The following KIF13B variants were observed in gnomAD, a reference collection of about 807,000 sequenced individuals.
KIF13B encodes the protein kinesin family member 13B.
A neutral mutation model predicts 222.0 loss-of-function variants in KIF13B; 127 were observed. That is an observed-to-expected ratio of 0.57 (90% confidence interval 0.50 to 0.66). The LOEUF (loss-of-function observed/expected upper bound fraction) is 0.66, where lower values mean the gene tolerates loss of function less well. Among genes scored for constraint, KIF13B ranks in the 30% least tolerant of loss-of-function variants. The pLI is 0.00. For synonymous variants in KIF13B, 976 were observed against 919.0 expected (o/e 1.06, Z -1.12); for missense variants, 2,173 against 2,379.0 (o/e 0.91, Z 1.80).
At chr8:29,102,839 C>T (rs1182120324) in intron 35 of KIF13B, among the ~76,000 whole-genome samples, 1 of 152,200 alleles carries the variant, frequency 6.6e-6, no homozygotes, top group African/African-American at 2.4e-5. Context: ...TTTGTTCATG[C>T]TATTGACTAA....
At position 29,070,376 on chromosome 8, in the gene KIF13B, G is replaced by C; in HGVS notation, c.*128C>G. 1 of 1,037,724 alleles carries C rather than the reference G, an allele frequency of 9.6e-7. No individual in the cohort carries two copies. The highest frequency in any genetic ancestry group is 1.4e-6 in the Non-Finnish European group (1 of 712,894). The allele number at this position is 1,037,724 out of a possible 1,614,324, so 64.3% of individuals were successfully genotyped here. A position where few individuals can be genotyped will look rare whatever the true frequency, so the allele number is the denominator to read the frequency against. On this transcript the variant is annotated 3_prime_UTR_variant, in exon 40 of 40. Transcript: ENST00000524189. This position sits in a 1 kb window ranked among gnomAD's most constrained non-coding sequence, Gnocchi z 4.1. ...CCAGGGAGGTCACCAGCCCTGTGTC[G>C]TGCAAAAAGCATTCATCGCCCTGCC...
intron 12 of KIF13B, among the ~76,000 whole-genome samples, chr8:29,163,912 T>C (rs1014557176): frequency 6.6e-6 from 1 of 152,190 alleles, no homozygotes; most frequent in Non-Finnish European, 1.5e-5. Flanking sequence ...AGCTTCCAAA[T>C]GGGACAATTA....
At chr8:29,170,869 G>T (rs1586875760) in intron 10 of KIF13B, among the ~76,000 whole-genome samples, 1 of 152,166 alleles carries the variant, frequency 6.6e-6, no homozygotes. Context: ...CTTGAGTCCA[G>T]AAGTTCAACA....
At chr8:29,200,495 C>G (rs147629765) in intron 2 of KIF13B, among the ~76,000 whole-genome samples, 1 of 152,284 alleles carries the variant, frequency 6.6e-6, no homozygotes, top group African/African-American at 2.4e-5. Context: ...TTCAGGCTTA[C>G]AAAAAGCTCC....
intron 37 of KIF13B, among the ~76,000 whole-genome samples, chr8:29,089,722 C>T (rs1000450243): frequency 2.6e-5 from 4 of 151,828 alleles, no homozygotes; most frequent in Admixed American, 6.6e-5. Context: ...GGTGAAACCC[C>T]GTCTCTACTA....
Position 29,242,356 on chromosome 8 carries a change from AAAC to A in KIF13B, c.149+2987_149+2989del, listed in dbSNP as rs996264057. On this transcript the variant is annotated intron_variant, in intron 2 of 39. Transcript: ENST00000524189. The stretch of plus-strand genomic sequence containing the variant: ...TTATTACAATCTCACCATGGCTTCC[AAAC>A]AACAACAACGAAAATTTACTACAGG... Among the ~76,000 whole-genome samples the A allele has an allele frequency of 6.6e-5, 10 of 152,344 alleles. No homozygotes were observed. The South Asian group carries it at 1.2e-3, about 19-fold the overall frequency.
intron 32 of KIF13B, 32 bp from the exon 33 acceptor site, chr8:29,110,102 C>A: frequency 6.5e-7 from 1 of 1,540,324 alleles, no homozygotes; most frequent in Non-Finnish European, 8.8e-7. Context: ...ATTATAAAAG[C>A]TTCTTGATGT....
intron 38 of KIF13B, among the ~76,000 whole-genome samples, chr8:29,073,862 G>T (rs4732901): frequency 1.0e-3 from 152 of 152,218 alleles, no homozygotes; most frequent in African/African-American, 3.6e-3. Context: ...CATTTTTGTG[G>T]TGAATCTCTA....
Position 29,073,345 on chromosome 8 carries a change from G to T in KIF13B, c.4522-1029C>A, listed in dbSNP as rs577930035. Among the ~76,000 whole-genome samples, 67 of 152,254 alleles carry T rather than the reference G, an allele frequency of 4.4e-4. 2 individuals carry two copies. The highest frequency in any genetic ancestry group is 1.4e-3 in the African/African-American group (60 of 41,552). ...GAGGCCAGCAGCTCTCCTCATGTCGGTCACTCTGTCTGAGTCACCCAGGCA... is the reference window on the plus strand; with the variant it reads ...GAGGCCAGCAGCTCTCCTCATGTCGTTCACTCTGTCTGAGTCACCCAGGCA... On this transcript the variant is annotated intron_variant, in intron 38 of 39. Transcript: ENST00000524189.
chr8:29,223,973 G>A (rs1273891335), intron 2 of KIF13B, among the ~76,000 whole-genome samples: 3 of 151,582 alleles, frequency 2.0e-5, no homozygotes, highest in South Asian at 2.1e-4. Context: ...TTACAGGCGT[G>A]AGCCACGGCG....
chr8:29,245,498 G>T, intron 1 of KIF13B, 59 bp from the exon 2 acceptor site: 1 of 1,263,086 alleles, frequency 7.9e-7, no homozygotes, highest in South Asian at 1.4e-5. Flanking sequence ...TTCAGAAAAG[G>T]CAAAATTCAG....
rs564889642 is a variant in KIF13B at position 29,183,201 on chromosome 8, G to A, written c.498-1195C>T. The stretch of plus-strand genomic sequence containing the variant: ...TTTTTTTTTTTTCCAATGGAGTCTT[G>A]CTCTATCACCCAGGATCTCAGCTCA... On this transcript the variant is annotated intron_variant, in intron 6 of 39. Coordinates refer to ENST00000524189, the MANE Select transcript of KIF13B (RefSeq NM_015254.4). 1.7e-4 allele frequency among the ~76,000 whole-genome samples: 17 copies of A among 101,324 alleles called. 1 individual carries two copies. In the South Asian group the frequency reaches 5.3e-3, roughly 32 times the overall value. The allele number at this position is 101,324 out of a possible 152,430, so 66.5% of individuals were successfully genotyped here.
At chr8:29,172,799 C>G (rs911861151) in intron 10 of KIF13B, among the ~76,000 whole-genome samples, 1 of 152,214 alleles carries the variant, frequency 6.6e-6, no homozygotes, top group South Asian at 2.1e-4. Context: ...TGGCATGGCA[C>G]CAGATACTCC....
rs960607527 is a variant in KIF13B, at chr8:29,071,043, G to C, written c.5219-277C>G. ...CAGGTAGGAGGTGACAGGCCCTGGGGGCCCTGGGGAGTGCCTTGTGGAAGC... is the reference window on the plus strand; with the variant it reads ...CAGGTAGGAGGTGACAGGCCCTGGGCGCCCTGGGGAGTGCCTTGTGGAAGC... On this transcript the variant is annotated intron_variant, in intron 39 of 39. Coordinates refer to ENST00000524189, the MANE Select transcript of KIF13B (RefSeq NM_015254.4). This position sits in a 1 kb window ranked among gnomAD's most constrained non-coding sequence, Gnocchi z 4.9. Among the ~76,000 whole-genome samples, 2 of 152,206 alleles carry C rather than the reference G, an allele frequency of 1.3e-5. No individual in the cohort carries two copies. The highest frequency in any genetic ancestry group is 2.9e-5 in the Non-Finnish European group (2 of 68,020).
intron 37 of KIF13B, among the ~76,000 whole-genome samples, chr8:29,078,002 G>A (rs149545587): frequency 1.9e-4 from 29 of 152,004 alleles, no homozygotes; most frequent in African/African-American, 7.0e-4. Flanking sequence ...CAGAGAGGAG[G>A]CCAGGCACGG....
intron 21 of KIF13B, among the ~76,000 whole-genome samples, chr8:29,135,054 T>C (rs1355252582): frequency 6.6e-6 from 1 of 152,094 alleles, no homozygotes. Context: ...ATTAGATTGA[T>C]TTGTTTTTGA....
chr8:29,238,510 A>G (rs948240288), intron 2 of KIF13B, among the ~76,000 whole-genome samples: 1 of 152,340 alleles, frequency 6.6e-6, no homozygotes, highest in Non-Finnish European at 1.5e-5. Flanking sequence ...GAACAAAAAG[A>G]TTTTTAATGG....
chr8:29,118,956 G>C lies in KIF13B; in HGVS notation c.3572C>G (p.Pro1191Arg). The change falls in exon 30 of 40, where the codon CCA becomes CGA. Residue 1191 changes from proline to arginine, a missense_variant. Physicochemically the swap from Pro to Arg is moderately radical, Grantham distance 103. This residue lies in a region of KIF13B where 1,480 missense variants were observed against 1,722.8 expected (regional missense o/e 0.86). Coordinates refer to ENST00000524189, the MANE Select transcript of KIF13B (RefSeq NM_015254.4). ...GGTCGCATCCCATCCACCAGCTTCT[G>C]GGTCATCAAGATTATCCTGAGAGCT... is the stretch of plus-strand genomic sequence containing the variant. ...DFSSQDNLDD[P>R]EAGGWDATLT... 6.2e-7 allele frequency: 1 copy of C among 1,613,694 alleles called. No homozygotes were observed. The highest frequency in any genetic ancestry group is 8.5e-7 in the Non-Finnish European group (1 of 1,179,724).
intron 37 of KIF13B, among the ~76,000 whole-genome samples, chr8:29,075,922 C>T (rs1404461821): frequency 6.6e-6 from 1 of 152,184 alleles, no homozygotes; most frequent in East Asian, 1.9e-4. Flanking sequence ...GAGACACTGT[C>T]CGGGTGGGGA....
Sources: allele counts gnomAD v4.1 joint callset (sites outside exome capture counted in the v4.1 genomes callset), GRCh38; gene constraint gnomAD v4.1.1; regional missense constraint gnomAD v4.1.1; non-coding constraint Gnocchi (gnomAD v3.1); transcripts MANE v1.5; gene names NCBI Gene and HGNC (gene_info 2026-07-23, HGNC 2026-07-21).